ASTL: variants seen among roughly 807,000 people sequenced by gnomAD.
ASTL encodes the protein astacin-like metalloendopeptidase.
A neutral mutation model predicts 36.7 loss-of-function variants in ASTL; 27 were observed. The ratio of observed to expected loss-of-function variants is 0.73; its 90% CI spans 0.54 to 1.01. The LOEUF is 1.01. Ranked by LOEUF, ASTL falls within the 50% of genes least tolerant of loss-of-function variation. ASTL has a pLI of 0.00. For synonymous variants in ASTL, 222 were observed against 228.1 expected (o/e 0.97, Z 0.24); for missense variants, 524 against 572.8 (o/e 0.91, Z 0.87).
chr2:96,137,552 G>A (rs367890759), intron 2 of ASTL, 23 bp downstream of exon 2: 63 of 1,609,040 alleles, frequency 3.9e-5, no homozygotes, highest in Non-Finnish European at 4.6e-5. Flanking sequence ...CCTCCAGGCC[G>A]TGAGAAGATG....
Position 96,135,471 on chromosome 2 carries a change from A to G in ASTL, c.182-59T>C, listed in dbSNP as rs1168243751. ...CCCCCAGAACACTGACTCGTGGGAC[A>G]GGCCAAGCAAATCCCTACTTACTTA... On this transcript the variant is annotated intron_variant, in intron 2 of 8. Coordinates refer to ENST00000342380, the MANE Select transcript of ASTL (RefSeq NM_001002036.4). 5 of 1,487,764 alleles carry G rather than the reference A, an allele frequency of 3.4e-6. No individual in the cohort carries two copies. The African/African-American group carries it at 5.5e-5, about 16-fold the overall frequency. The allele number at this position is 1,487,764 out of a possible 1,614,324, so 92.2% of individuals were successfully genotyped here.
Position 96,138,362 on chromosome 2 carries a change from G to C in ASTL, c.55+20C>G, listed in dbSNP as rs1340307779. 2 of 1,600,366 alleles carry C rather than the reference G, an allele frequency of 1.2e-6. No homozygotes were observed. The highest frequency in any genetic ancestry group is 2.2e-5 in the South Asian group (2 of 88,912). ...CTCCAGGCTGGAGCCAGCAGCAGGA[G>C]GGACAGGCAGCCAGCTTACCTGGCA... On this transcript the variant is annotated intron_variant, in intron 1 of 8. Coordinates refer to ENST00000342380, the MANE Select transcript of ASTL (RefSeq NM_001002036.4).
chr2:96,133,622 G>T, intron 4 of ASTL, 80 bp from the exon 5 acceptor site: 1 of 1,030,358 alleles, frequency 9.7e-7, no homozygotes, highest in Non-Finnish European at 1.5e-6. Context: ...GCAGAGCTCT[G>T]AACTCACTCT....
At chr2:96,129,355 T>G (rs1418739566) in intron 8 of ASTL, among the ~76,000 whole-genome samples, 2 of 152,220 alleles carry the variant, frequency 1.3e-5, no homozygotes, top group East Asian at 3.8e-4. Context: ...CTTTTCTAAT[T>G]CTTATTAGTT....
Position 96,132,039 on chromosome 2 carries a change from G to A in ASTL, c.637+501C>T, listed in dbSNP as rs1269897499. On this transcript the variant is annotated intron_variant, in intron 6 of 8. Coordinates refer to ENST00000342380, the MANE Select transcript of ASTL (RefSeq NM_001002036.4). The surrounding 1 kb of genome is among the most constrained non-coding windows in gnomAD (Gnocchi z 5.4). Reference sequence around the variant, plus strand: ...TCTGTGTTCCTTCTGCCTGCTCACTGGCACCACTGGCACATGTCCCAGCCC... The same window carrying A: ...TCTGTGTTCCTTCTGCCTGCTCACTAGCACCACTGGCACATGTCCCAGCCC... Among the ~76,000 whole-genome samples the A allele has an allele frequency of 2.6e-5, 4 of 152,148 alleles. No homozygotes were observed. The highest frequency in any genetic ancestry group is 1.3e-4 in the Admixed American group (2 of 15,278).
chr2:96,138,254 G>A, intron 1 of ASTL, 128 bp downstream of exon 1: 1 of 888,184 alleles, frequency 1.1e-6, no homozygotes, highest in Non-Finnish European at 1.8e-6. Flanking sequence ...AATAACCCTG[G>A]AGAGCTCTGT....
intron 6 of ASTL, 32 bp from the exon 7 acceptor site, chr2:96,130,177 T>C (rs2104769277): frequency 6.4e-7 from 1 of 1,563,968 alleles, no homozygotes; most frequent in Non-Finnish European, 8.8e-7. Context: ...AACTTACTGA[T>C]ATATAAAGAG....
rs893173 is a variant in ASTL, at chr2:96,124,048, T to C, written c.1098A>G (p.Leu366=). 0.36 allele frequency: 584,918 copies of C among 1,613,560 alleles called. 108,363 individuals are homozygous for C. The highest frequency in any genetic ancestry group is 0.42 in the East Asian group (18,701 of 44,852). The change falls in exon 9 of 9, where the codon CTA becomes CTG. Residue 366 remains leucine, a synonymous_variant. Transcript: ENST00000342380. The surrounding 1 kb of genome is among the most constrained non-coding windows in gnomAD (Gnocchi z 4.1). ...AEASARQPQT[L]ASSPRSRPGA... ...CAGGCCTTGATCTTGGGGAGGAAGC[T>C]AGGGTCTGAGGCTGCCTTGCCGAGG...
At chr2:96,136,741 T>C (rs185972223) in intron 2 of ASTL, among the ~76,000 whole-genome samples, 2 of 152,312 alleles carry the variant, frequency 1.3e-5, no homozygotes, top group African/African-American at 2.4e-5. Flanking sequence ...TCAGCCCTCA[T>C]TGCTCCAACA....
upstream of ASTL, chr2:96,138,516 C>A: frequency 8.1e-7 from 1 of 1,227,738 alleles, no homozygotes; most frequent in Non-Finnish European, 1.2e-6. Flanking sequence ...ACCGGCACCA[C>A]CACCCCCTCT....
At chr2:96,136,293 A>G (rs1205378977) in intron 2 of ASTL, among the ~76,000 whole-genome samples, 1 of 152,270 alleles carries the variant, frequency 6.6e-6, no homozygotes, top group Admixed American at 6.5e-5. Flanking sequence ...CCTTGGGCAG[A>G]CAAGGGAGTA....
Position 96,132,491 on chromosome 2 carries a change from T to C in ASTL, c.637+49A>G. On this transcript the variant is annotated intron_variant, in intron 6 of 8. Transcript: ENST00000342380. The surrounding 1 kb of genome is among the most constrained non-coding windows in gnomAD (Gnocchi z 5.4). ...GACCAGGCGACTTGGGCCCAAGCCG[T>C]GCTGTCCCCTCCCCGGCACCAGCCT... 1.3e-6 allele frequency: 2 copies of C among 1,524,656 alleles called. No homozygotes were observed. Among genetic ancestry groups the C allele is most frequent in the Non-Finnish European group, 1.8e-6 (2 of 1,121,882 alleles). 94.4% of individuals were successfully genotyped at this position (1,524,656 alleles called of 1,614,324 possible). A position where few individuals can be genotyped will look rare whatever the true frequency, so the allele number is the denominator to read the frequency against.
At chr2:96,127,745 GTAT>G (rs1682092966) in intron 8 of ASTL, among the ~76,000 whole-genome samples, 1 of 151,878 alleles carries the variant, frequency 6.6e-6, no homozygotes, top group African/African-American at 2.4e-5. Flanking sequence ...ACTAATTTTT[GTAT>G]TTTTTTTAAG....
chr2:96,133,742 G>A, intron 4 of ASTL, 200 bp from the exon 5 acceptor site: 1 of 634,310 alleles, frequency 1.6e-6, no homozygotes, highest in Non-Finnish European at 2.8e-6. Flanking sequence ...TGCACCGCAT[G>A]GTCTCAAGGG....
In ASTL at chr2:96,138,490, G is replaced by C; in HGVS notation, c.-54C>G. ...CAAGACCAAGCCCCAGCAAGACACA[G>C]TAACCTAATTGCAGAACCGGCACCA... On this transcript the variant is annotated 5_prime_UTR_variant, in exon 1 of 9. Coordinates refer to ENST00000342380, the MANE Select transcript of ASTL (RefSeq NM_001002036.4). The C allele has an allele frequency of 2.0e-6, 3 of 1,506,496 alleles. No homozygotes were observed. The South Asian group carries it at 3.5e-5, about 18-fold the overall frequency. The allele number at this position is 1,506,496 out of a possible 1,614,324, so 93.3% of individuals were successfully genotyped here.
chr2:96,132,214 A>G lies in ASTL; in HGVS notation c.637+326T>C, dbSNP rs1304142316. Among the ~76,000 whole-genome samples the G allele has an allele frequency of 1.3e-5, 2 of 152,220 alleles. No individual in the cohort carries two copies. Among genetic ancestry groups the G allele is most frequent in the African/African-American group, 4.8e-5 (2 of 41,464 alleles). Reference sequence around the variant, plus strand: ...CATGAGACCGCTGCTAGAGTACTCAACAAGCAGGTATCATGGGCACTGCCT... The same window carrying G: ...CATGAGACCGCTGCTAGAGTACTCAGCAAGCAGGTATCATGGGCACTGCCT... On this transcript the variant is annotated intron_variant, in intron 6 of 8. Coordinates refer to ENST00000342380, the MANE Select transcript of ASTL (RefSeq NM_001002036.4). The surrounding 1 kb of genome is among the most constrained non-coding windows in gnomAD (Gnocchi z 5.4).
In ASTL at chr2:96,135,420, AG is replaced by A; in HGVS notation, c.182-9del. The A allele has an allele frequency of 6.2e-7, 1 of 1,613,920 alleles. No homozygotes were observed. ...TTTCTTCCAGGATGAGCCCTGGGAA[AG>A]GAAGAAGGACGTGTTGGCCCATGTC... is the stretch of plus-strand genomic sequence containing the variant. On this transcript the variant is annotated splice_polypyrimidine_tract_variant and intron_variant, in intron 2 of 8. Transcript: ENST00000342380.
intron 2 of ASTL, among the ~76,000 whole-genome samples, chr2:96,137,065 G>C (rs572136760): frequency 3.9e-5 from 6 of 152,124 alleles, no homozygotes; most frequent in South Asian, 4.2e-4. Flanking sequence ...GGATGGTCTC[G>C]ATCTCCTGAC....
Position 96,133,949 on chromosome 2 carries a change from C to T in ASTL, c.337+16G>A, listed in dbSNP as rs375249891. ...AAGGGGCTGAGGCAGGGAGGGAGCGCGCCATGCTCACTCACCGTACTTGCT... is the reference window on the plus strand; with the variant it reads ...AAGGGGCTGAGGCAGGGAGGGAGCGTGCCATGCTCACTCACCGTACTTGCT... On this transcript the variant is annotated intron_variant, in intron 4 of 8. Transcript: ENST00000342380. 75 of 1,560,742 alleles carry T rather than the reference C, an allele frequency of 4.8e-5. No individual in the cohort carries two copies. The highest frequency in any genetic ancestry group is 2.7e-4 in the Admixed American group (16 of 59,934).
Sources: gnomAD v4.1 joint callset for allele counts (sites outside exome capture counted in the v4.1 genomes callset) on GRCh38, gnomAD v4.1.1 for gene constraint, Gnocchi (gnomAD v3.1) non-coding constraint, MANE v1.5 for transcripts, NCBI Gene and HGNC (gene_info 2026-07-23, HGNC 2026-07-21) for gene names.